The following ZNF578 variants were observed in gnomAD, a reference collection of about 807,000 sequenced individuals.
ZNF578 encodes the protein zinc finger protein 578, also known as Putative chemokine-related protein B42.
A neutral mutation model predicts 8.3 loss-of-function variants in ZNF578; 8 were observed. The observed-to-expected ratio is 0.96, with a 90% confidence interval of 0.56 to 1.74. The LOEUF is 1.74. Among genes scored for constraint, ZNF578 ranks in the 40% most tolerant of loss-of-function variants. The pLI is 0.00. For missense variants in ZNF578, 726 were observed against 707.5 expected (o/e 1.03, Z -0.30); for synonymous variants, 206 against 232.2 (o/e 0.89, Z 1.03).
In ZNF578 at chr19:52,500,872, TGTGAC is replaced by T. The variant is rs1568464837; in HGVS notation, c.-19-954_-19-950del. 6.9e-4 allele frequency among the ~76,000 whole-genome samples: 76 copies of T among 109,640 alleles called. 1 individual carries two copies. Among genetic ancestry groups the T allele is most frequent in the Non-Finnish European group, 4.0e-4 (23 of 57,880 alleles). The allele number at this position is 109,640 out of a possible 152,430, so 71.9% of individuals were successfully genotyped here. A position where few individuals can be genotyped will look rare whatever the true frequency, so the allele number is the denominator to read the frequency against. ...CCTCTGGTCCACATTGACTGTTTTG[TGTGAC>T]TTTTTTTTTTTTTTTTTTTGAGATA... On this transcript the variant is annotated intron_variant, in intron 3 of 5. Transcript: ENST00000421239.
intron 2 of ZNF578, among the ~76,000 whole-genome samples, chr19:52,478,942 G>A (rs1229013655): frequency 6.6e-6 from 1 of 151,688 alleles, no homozygotes; most frequent in Admixed American, 6.6e-5. Flanking sequence ...TCGAACTCCC[G>A]ACCTCAGGTG....
intron 2 of ZNF578, among the ~76,000 whole-genome samples, chr19:52,489,301 T>C (rs1206124252): frequency 6.6e-6 from 1 of 152,012 alleles, no homozygotes; most frequent in Non-Finnish European, 1.5e-5. Flanking sequence ...ATAAAAGCAG[T>C]AGTCCTGGCC....
rs114645029 is a variant in ZNF578 at position 52,491,613 on chromosome 19, G to T, written c.-20+188G>T. On this transcript the variant is annotated intron_variant, in intron 3 of 5. Coordinates refer to ENST00000421239, the MANE Select transcript of ZNF578 (RefSeq NM_001099694.2). ...GCTTGTAATACCAGATACTCCAAAG[G>T]CTGAGGCAGAAGAATAGCTTCCACC... Among the ~76,000 whole-genome samples the T allele has an allele frequency of 3.3e-3, 495 of 151,942 alleles. 2 individuals carry two copies. The highest frequency in any genetic ancestry group is 0.012 in the African/African-American group (477 of 41,410).
chr19:52,504,770 T>A lies in ZNF578; in HGVS notation c.179T>A (p.Leu60Gln). 5 of 1,614,118 alleles carry A rather than the reference T, an allele frequency of 3.1e-6. No individual in the cohort carries two copies. Among genetic ancestry groups the A allele is most frequent in the Non-Finnish European group, 4.2e-6 (5 of 1,180,014 alleles). Residue 60 changes from leucine (L) to glutamine (Q), a missense_variant, in exon 5 of 6, where the codon CTG becomes CAG. Transcript: ENST00000421239. ...GTGATGTTGGAGAACTACAGGAACCTGGAGGCTGTGGGTGAGGAAAATGTC... is the reference window on the plus strand; with the variant it reads ...GTGATGTTGGAGAACTACAGGAACCAGGAGGCTGTGGGTGAGGAAAATGTC... ...REVMLENYRN[L>Q]EAVDISSKRM...
At chr19:52,495,192 T>G (rs2059381636) in intron 3 of ZNF578, among the ~76,000 whole-genome samples, 1 of 122,814 alleles carries the variant, frequency 8.1e-6, no homozygotes, top group South Asian at 2.6e-4. Context: ...GAGGTGGAGT[T>G]TCACTCCTGT....
chr19:52,512,553 C>G lies in ZNF578; in HGVS notation c.*399C>G, dbSNP rs2123000030. Among the ~76,000 whole-genome samples the G allele has an allele frequency of 6.6e-6, 1 of 152,254 alleles. No individual in the cohort carries two copies. The highest frequency in any genetic ancestry group is 2.1e-4 in the South Asian group (1 of 4,818). ...GCAAGGTCTTCAGTCAAGCTTCATC[C>G]TATGCAAAACATAGGAGAATTCATG... On this transcript the variant is annotated 3_prime_UTR_variant, in exon 6 of 6. Transcript: ENST00000421239.
intron 2 of ZNF578, among the ~76,000 whole-genome samples, chr19:52,461,396 A>G (rs1460588240): frequency 6.6e-6 from 1 of 152,196 alleles, no homozygotes; most frequent in Non-Finnish European, 1.5e-5. Flanking sequence ...GAGTCTGAGA[A>G]TTCCACAATT....
At chr19:52,472,197 C>T (rs2059294084) in intron 2 of ZNF578, among the ~76,000 whole-genome samples, 2 of 152,158 alleles carry the variant, frequency 1.3e-5, no homozygotes, top group African/African-American at 4.8e-5. Flanking sequence ...TCGAGACCAG[C>T]CTGCCCAACA....
chr19:52,493,490 C>A (rs1391137972), intron 3 of ZNF578, among the ~76,000 whole-genome samples: 4 of 152,138 alleles, frequency 2.6e-5, no homozygotes, highest in African/African-American at 9.7e-5. Context: ...TACTCCAAAC[C>A]CGCAGAGTTT....
At chr19:52,459,433 C>T (rs1282766830) in intron 2 of ZNF578, among the ~76,000 whole-genome samples, 5 of 151,964 alleles carry the variant, frequency 3.3e-5, no homozygotes, top group African/African-American at 1.2e-4. Flanking sequence ...AGGATTTTCT[C>T]CTTTTATAAA....
intron 2 of ZNF578, among the ~76,000 whole-genome samples, chr19:52,465,214 T>C (rs1020376739): frequency 1.3e-5 from 2 of 151,764 alleles, no homozygotes; most frequent in Admixed American, 1.3e-4. Flanking sequence ...CATAATGAAC[T>C]GCGGGGCAGG....
Position 52,511,129 on chromosome 19 carries a change from C to G in ZNF578, c.748C>G (p.Gln250Glu), listed in dbSNP as rs750092681. Residue 250 changes from glutamine (Q) to glutamate (E), a missense_variant, in exon 6 of 6, where the codon CAG becomes GAG. Coordinates refer to ENST00000421239, the MANE Select transcript of ZNF578 (RefSeq NM_001099694.2). ...FNCSSFVRKH[Q>E]IIHLGEKQYK... ...TTGTAGCTCATTTGTAAGGAAACAT[C>G]AGATAATCCATTTAGGAGAAAAACA... 6.2e-7 allele frequency: 1 copy of G among 1,614,100 alleles called. No homozygotes were observed. Among genetic ancestry groups the G allele is most frequent in the East Asian group, 2.2e-5 (1 of 44,874 alleles).
At chr19:52,487,179 A>C (rs802588) in intron 2 of ZNF578, among the ~76,000 whole-genome samples, 2 of 151,958 alleles carry the variant, frequency 1.3e-5, no homozygotes, top group African/African-American at 4.8e-5. Flanking sequence ...GCCAAAAAAA[A>C]AATAATAATA....
At chr19:52,486,190 A>G (rs2059344964) in intron 2 of ZNF578, among the ~76,000 whole-genome samples, 3 of 152,226 alleles carry the variant, frequency 2.0e-5, no homozygotes, top group Non-Finnish European at 4.4e-5. Context: ...TGCACATCAA[A>G]GGCACAGCAC....
At chr19:52,470,343 G>A (rs748122931) in intron 2 of ZNF578, among the ~76,000 whole-genome samples, 8 of 152,130 alleles carry the variant, frequency 5.3e-5, no homozygotes, top group South Asian at 2.1e-4. Context: ...GAGGAGGTGC[G>A]CTGCACTCCA....
At chr19:52,455,193 C>CTTTTTTTTTTTTTTTTTTTTT (rs10607252) in intron 1 of ZNF578, 1 of 98,400 alleles carries the variant, frequency 1.0e-5, no homozygotes, top group African/African-American at 3.9e-5. Flanking sequence ...GCCTTTCTAT[C>CTTTTTTTTTTTTTTTTTTTTT]TTTTTTTTTT....
At position 52,514,490 on chromosome 19, in the gene ZNF578, A is replaced by G. The variant is rs1404546452; in HGVS notation, c.*2336A>G. 6.6e-6 allele frequency among the ~76,000 whole-genome samples: 1 copy of G among 152,194 alleles called. No individual in the cohort carries two copies. The highest frequency in any genetic ancestry group is 1.5e-5 in the Non-Finnish European group (1 of 68,032). The stretch of plus-strand genomic sequence containing the variant: ...AGTGACCTTTTAAATAAACATCAAA[A>G]TGTAGTTTAAGCAGTTAGTCTGTTT... On this transcript the variant is annotated 3_prime_UTR_variant, in exon 6 of 6. Transcript: ENST00000421239.
At position 52,511,944 on chromosome 19, in the gene ZNF578, T is replaced by C. The variant is rs1281284811; in HGVS notation, c.1563T>C (p.Asn521=). ...GTAATGAATGTGGGAAGACTTTTAA[T>C]GTACAGTCACACCTTTCACGTCATC... is the stretch of plus-strand genomic sequence containing the variant. The part of the protein sequence containing the change: ...YKCNECGKTF[N]VQSHLSRHHR... Residue 521 remains asparagine (N), a synonymous_variant, in exon 6 of 6, where the codon AAT becomes AAC. Coordinates refer to ENST00000421239, the MANE Select transcript of ZNF578 (RefSeq NM_001099694.2). The C allele has an allele frequency of 3.7e-6, 6 of 1,614,046 alleles. No individual in the cohort carries two copies. Among genetic ancestry groups the C allele is most frequent in the Non-Finnish European group, 5.1e-6 (6 of 1,179,984 alleles).
intron 3 of ZNF578, among the ~76,000 whole-genome samples, chr19:52,495,681 T>G (rs377045160): frequency 0.16 from 22,432 of 138,208 alleles, 2,104 homozygotes; most frequent in Non-Finnish European, 0.18. Context: ...CTGTTTATAA[T>G]GTAACAAATT....
Sources: gnomAD v4.1 joint callset for allele counts (sites outside exome capture counted in the v4.1 genomes callset) on GRCh38, gnomAD v4.1.1 for gene constraint, MANE v1.5 for transcripts, NCBI Gene and HGNC (gene_info 2026-07-23, HGNC 2026-07-21) for gene names.